PRKDC: variants seen among roughly 807,000 people sequenced by gnomAD.
PRKDC encodes protein kinase, DNA-activated, catalytic subunit, also known as DNA-dependent protein kinase catalytic subunit.
A neutral mutation model predicts 486.9 loss-of-function variants in PRKDC; 82 were observed. The ratio of observed to expected loss-of-function variants is 0.17; its 90% CI spans 0.14 to 0.20. The LOEUF (loss-of-function observed/expected upper bound fraction) is 0.20, where lower values mean the gene tolerates loss of function less well. Among genes scored for constraint, PRKDC ranks in the 10% least tolerant of loss-of-function variants. The pLI is 1.00. For synonymous variants in PRKDC, 1,895 were observed against 1,837.0 expected (o/e 1.03, Z -0.81); for missense variants, 4,504 against 5,038.2 (o/e 0.89, Z 3.21).
chr8:47,814,183 A>G (rs1402950000), intron 68 of PRKDC, among the ~76,000 whole-genome samples: 1 of 152,274 alleles, frequency 6.6e-6, no homozygotes, highest in Non-Finnish European at 1.5e-5. Context: ...TTCATTCATG[A>G]TAAAACAAAA....
In PRKDC at chr8:47,786,784, C is replaced by T. The variant is rs1352129195; in HGVS notation, c.10903-1467G>A. On this transcript the variant is annotated intron_variant, in intron 76 of 85. Transcript: ENST00000314191. ...TTGCTCTGTCACCCAGGCTAGAGTG[C>T]GGTGGTGCGATCTCGGCTCACTGCA... 5.6e-4 allele frequency among the ~76,000 whole-genome samples: 64 copies of T among 114,046 alleles called. 1 individual carries two copies. Among genetic ancestry groups the T allele is most frequent in the Admixed American group, 1.5e-3 (11 of 7,330 alleles). 74.8% of individuals were successfully genotyped at this position (114,046 alleles called of 152,430 possible).
intron 68 of PRKDC, among the ~76,000 whole-genome samples, chr8:47,807,593 T>C (rs912192472): frequency 6.6e-6 from 1 of 150,574 alleles, no homozygotes; most frequent in African/African-American, 2.4e-5. Context: ...TAATTTTTTG[T>C]ATTTTTAGTA....
In PRKDC at chr8:47,834,351, G is replaced by A. The variant is rs779687004; in HGVS notation, c.7997C>T (p.Pro2666Leu). ...FDWLTGSSTD[P>L]LVDHTSPSSD... is the part of the protein sequence containing the mutation. ...TGAGGGACTGGTGTGGTCGACCAGCGGGTCAGTGCTGCTCCCGGTCAGCCA... is the reference window on the plus strand; with the variant it reads ...TGAGGGACTGGTGTGGTCGACCAGCAGGTCAGTGCTGCTCCCGGTCAGCCA... Residue 2666 changes from proline (P) to leucine (L), a missense_variant, in exon 59 of 86, where the codon CCG (proline) becomes CTG (leucine). Pro to Leu is a moderately conservative substitution (Grantham distance 98). Transcript: ENST00000314191. 88 of 1,613,840 alleles carry A rather than the reference G, an allele frequency of 5.5e-5. No individual in the cohort carries two copies. Among genetic ancestry groups the A allele is most frequent in the Non-Finnish European group, 7.2e-5 (85 of 1,179,916 alleles).
chr8:47,777,899 C>A (rs2086633666), intron 83 of PRKDC, 25 bp from the exon 84 acceptor site: 1 of 1,605,400 alleles, frequency 6.2e-7, no homozygotes, highest in South Asian at 1.1e-5. Flanking sequence ...AGGCAAGGAG[C>A]AGAATATGTA....
At chr8:47,885,891 C>T in intron 36 of PRKDC, 53 bp downstream of exon 36, 5 of 1,522,312 alleles carry the variant, frequency 3.3e-6, no homozygotes, top group Non-Finnish European at 4.5e-6. Flanking sequence ...GACTCTGTCT[C>T]AAACAAACAA....
At chr8:47,817,640 G>C in intron 67 of PRKDC, 79 bp from the exon 68 acceptor site, 1 of 934,552 alleles carries the variant, frequency 1.1e-6, no homozygotes, top group Non-Finnish European at 1.6e-6. Context: ...TCAGTAAATA[G>C]AAAATTCAAA....
rs1356968558 is a variant in PRKDC, at chr8:47,937,167, A to G, written c.1114-650T>C. Among the ~76,000 whole-genome samples, 5 of 151,624 alleles carry G rather than the reference A, an allele frequency of 3.3e-5. No individual in the cohort carries two copies. In the South Asian group the frequency reaches 1.0e-3, roughly 32 times the overall value. On this transcript the variant is annotated intron_variant, in intron 11 of 85. Transcript: ENST00000314191. The stretch of plus-strand genomic sequence containing the variant: ...TCCCAGCTACTCAAGAGGCTGAGGC[A>G]GGAGAATCACTTGAACCCAGGAAGC...
chr8:47,893,529 C>T, intron 30 of PRKDC, 142 bp from the exon 31 acceptor site: 1 of 866,970 alleles, frequency 1.2e-6, no homozygotes, highest in Non-Finnish European at 1.6e-6. Context: ...TAATTACTTC[C>T]AAGAAGGTAT....
rs761126676 is a variant in PRKDC, at chr8:47,893,310, C to G, written c.3676G>C (p.Gly1226Arg). The change falls in exon 31 of 86, where the codon GGG (glycine) becomes CGG (arginine). Residue 1226 changes from glycine to arginine, a missense_variant. By Grantham distance (125) the Gly-to-Arg change is moderately radical. Coordinates refer to ENST00000314191, the MANE Select transcript of PRKDC (RefSeq NM_006904.7). ...CCCGAGGGCTGGCCACAGCCACCCC[C>G]CTCAAAGGTGTTGATGAGAAAAGAG... ...GVSFLINTFE[G>R]GGCGQPSGIL... 6.2e-6 allele frequency: 10 copies of G among 1,603,488 alleles called. No homozygotes were observed. The Admixed American group carries it at 6.8e-5, about 11-fold the overall frequency.
At chr8:47,822,042 G>A (rs939309950) in intron 64 of PRKDC, among the ~76,000 whole-genome samples, 2 of 152,158 alleles carry the variant, frequency 1.3e-5, no homozygotes, top group African/African-American at 4.8e-5. Flanking sequence ...CACCACTGTG[G>A]GAGGCTAACG....
chr8:47,941,774 G>A (rs984311211), intron 10 of PRKDC, among the ~76,000 whole-genome samples: 2 of 152,238 alleles, frequency 1.3e-5, no homozygotes, highest in African/African-American at 4.8e-5. Flanking sequence ...TAGTTCTCTT[G>A]AACTTCTCCC....
At chr8:47,834,106 C>T (rs1411990246) in intron 59 of PRKDC, 90 bp downstream of exon 59, 1 of 1,488,800 alleles carries the variant, frequency 6.7e-7, no homozygotes, top group Non-Finnish European at 9.3e-7. Context: ...GAGAAGGAAA[C>T]ATGGATACAG....
At chr8:47,786,949 G>A (rs987726267) in intron 76 of PRKDC, among the ~76,000 whole-genome samples, 2 of 151,770 alleles carry the variant, frequency 1.3e-5, no homozygotes, top group African/African-American at 4.8e-5. Flanking sequence ...GACTGGTCTC[G>A]AACTCCTGAC....
rs1163604400 is a variant in PRKDC at position 47,881,952 on chromosome 8, G to A, written c.4922C>T (p.Thr1641Ile). The A allele has an allele frequency of 1.2e-6, 2 of 1,613,590 alleles. No individual in the cohort carries two copies. The highest frequency in any genetic ancestry group is 3.3e-5 in the Admixed American group (2 of 59,938). ...SWWAKDSPLETKMAVLALLAK... is the reference protein window; with the variant it reads ...SWWAKDSPLEIKMAVLALLAK... ...CAGTAAGGCCAGCACTGCCATTTTAGTTTCGAGAGGGGAATCTTTGGCCCA... is the reference window on the plus strand; with the variant it reads ...CAGTAAGGCCAGCACTGCCATTTTAATTTCGAGAGGGGAATCTTTGGCCCA... The change falls in exon 37 of 86, where the codon ACT becomes ATT. Residue 1641 changes from threonine to isoleucine, a missense_variant. Around this residue, in one of 6 missense-constraint regions of PRKDC, gnomAD observed 1,969 missense variants for 2,068.9 expected, o/e 0.95. Transcript: ENST00000314191.
In PRKDC at chr8:47,773,161, C is replaced by T. The variant is rs184128032; in HGVS notation, c.*1012G>A. ...CTCAAGAGTATACTTCTCAAAATCA[C>T]AGAAGAGCCTCCAAATACAAGTGTT... On this transcript the variant is annotated 3_prime_UTR_variant, in exon 86 of 86. Coordinates refer to ENST00000314191, the MANE Select transcript of PRKDC (RefSeq NM_006904.7). The T allele has an allele frequency of 7.7e-4, 160 of 208,342 alleles. 3 individuals are homozygous for T. In the East Asian group the frequency reaches 0.012, roughly 15 times the overall value. 12.9% of individuals were successfully genotyped at this position (208,342 alleles called of 1,614,324 possible).
intron 3 of PRKDC, 53 bp downstream of exon 3, chr8:47,957,118 G>C: frequency 8.1e-7 from 1 of 1,238,694 alleles, no homozygotes. Flanking sequence ...CACACCATAA[G>C]TTAAAACAGA....
In PRKDC at chr8:47,867,181, T is replaced by A. The variant is rs75611423; in HGVS notation, c.5364-2418A>T. 3.5e-3 allele frequency among the ~76,000 whole-genome samples: 531 copies of A among 152,246 alleles called. 7 individuals are homozygous for A. The highest frequency in any genetic ancestry group is 0.012 in the African/African-American group (503 of 41,534). On this transcript the variant is annotated intron_variant, in intron 40 of 85. Coordinates refer to ENST00000314191, the MANE Select transcript of PRKDC (RefSeq NM_006904.7). Reference sequence around the variant, plus strand: ...ACAAAGAATGAGGAAGATTTCTATATGCTGATAGGGCGAGATCTGTACAAG... The same window carrying A: ...ACAAAGAATGAGGAAGATTTCTATAAGCTGATAGGGCGAGATCTGTACAAG...
At chr8:47,942,739 G>T (rs1013496483) in intron 10 of PRKDC, among the ~76,000 whole-genome samples, 2 of 152,198 alleles carry the variant, frequency 1.3e-5, no homozygotes, top group African/African-American at 4.8e-5. Context: ...CTCCTCAGCC[G>T]ACCAGACAAG....
At chr8:47,895,222 G>T (rs1364911370) in intron 30 of PRKDC, among the ~76,000 whole-genome samples, 1 of 151,952 alleles carries the variant, frequency 6.6e-6, no homozygotes. Context: ...AAAAATAAAA[G>T]AAAACAAAAA....
Sources: gnomAD v4.1 joint callset for allele counts (sites outside exome capture counted in the v4.1 genomes callset) on GRCh38, gnomAD v4.1.1 for gene constraint, gnomAD v4.1.1 regional missense constraint, MANE v1.5 for transcripts, NCBI Gene and HGNC (gene_info 2026-07-23, HGNC 2026-07-21) for gene names.